Variants in ARID3A observed in about 807,000 individuals in gnomAD.
ARID3A encodes AT-rich interaction domain 3A.
Under a neutral mutation model 52.7 loss-of-function variants are expected in ARID3A, and 11 were observed. The ratio of observed to expected loss-of-function variants is 0.21; its 90% CI spans 0.13 to 0.35. ARID3A has a LOEUF of 0.35. Among genes scored for constraint, ARID3A ranks in the 10% least tolerant of loss-of-function variants. ARID3A has a pLI of 1.00. For missense variants in ARID3A, 721 were observed against 838.5 expected, an observed-to-expected ratio of 0.86 and a Z score of 1.73; for synonymous variants, 404 against 359.4, an observed-to-expected ratio of 1.12 and a Z score of -1.40.
At chr19:962,675 C>A (rs977890265) in intron 4 of ARID3A, among the ~76,000 whole-genome samples, 4 of 151,970 alleles carry the variant, frequency 2.6e-5, no homozygotes, top group Non-Finnish European at 4.4e-5. Context: ...CCACCACGCC[C>A]GGCTAATTTT....
Position 958,660 on chromosome 19 carries a change from G to T in ARID3A, c.694-1432G>T, listed in dbSNP as rs539914142. Among the ~76,000 whole-genome samples, 36 of 152,112 alleles carry T rather than the reference G, an allele frequency of 2.4e-4. 1 individual carries two copies. The East Asian group carries it at 6.8e-3, about 29-fold the overall frequency. ...TGTAATCCCAGCACTTTGGGAGGCC[G>T]AGGCGGGCGGATCACGAGGTCAGGA... On this transcript the variant is annotated intron_variant, in intron 3 of 8. Transcript: ENST00000263620.
chr19:933,277 C>T (rs947688445), intron 3 of ARID3A, among the ~76,000 whole-genome samples: 2 of 152,084 alleles, frequency 1.3e-5, no homozygotes, highest in African/African-American at 2.4e-5. Context: ...TCCGAGTGGG[C>T]GGTTAAGGCT....
At chr19:968,623 C>A in intron 8 of ARID3A, 120 bp downstream of exon 8, 1 of 819,480 alleles carries the variant, frequency 1.2e-6, no homozygotes. Flanking sequence ...GAGCAGGGCA[C>A]GGCCAGGGGC....
chr19:969,910 C>T (rs575683011), intron 8 of ARID3A, among the ~76,000 whole-genome samples: 1 of 151,942 alleles, frequency 6.6e-6, no homozygotes, highest in South Asian at 2.1e-4. Context: ...CCAGGCTGGT[C>T]TTGGACTCTT....
rs972438840 is a variant in ARID3A at position 975,102 on chromosome 19, G to A, written c.*3037G>A. On this transcript the variant is annotated 3_prime_UTR_variant, in exon 9 of 9. Coordinates refer to ENST00000263620, the MANE Select transcript of ARID3A (RefSeq NM_005224.3). ...CGCCTGTCGGTGGGGGTTTAAATTC[G>A]GTGTGGCTTTCTGGGGTGCAGCTCA... The A allele has an allele frequency of 8.2e-5, 19 of 231,406 alleles. No individual in the cohort carries two copies. In the East Asian group the frequency reaches 1.1e-3, roughly 13 times the overall value. 14.3% of individuals were successfully genotyped at this position (231,406 alleles called of 1,614,324 possible). A position where few individuals can be genotyped will look rare whatever the true frequency, so the allele number is the denominator to read the frequency against.
At chr19:932,278 T>C in intron 2 of ARID3A, 140 bp from the exon 3 acceptor site, 2 of 1,473,120 alleles carry the variant, frequency 1.4e-6, no homozygotes, top group Non-Finnish European at 1.8e-6. Context: ...TCATGAGCGC[T>C]CTCTGCAGTC....
At position 942,372 on chromosome 19, in the gene ARID3A, C is replaced by T. The variant is rs1377569426; in HGVS notation, c.693+9630C>T. Among the ~76,000 whole-genome samples, 2 of 152,188 alleles carry T rather than the reference C, an allele frequency of 1.3e-5. No homozygotes were observed. The highest frequency in any genetic ancestry group is 2.9e-5 in the Non-Finnish European group (2 of 68,018). ...ACCCAGGGGCGTCACCCACGAGGGA[C>T]GCTTGACTCAAGGTCCTCTCCACTG... On this transcript the variant is annotated intron_variant, in intron 3 of 8. Transcript: ENST00000263620. This position sits in a 1 kb window ranked among gnomAD's most constrained non-coding sequence, Gnocchi z 8.1.
rs561759691 is a variant in ARID3A, at chr19:970,835, C to T, written c.1595-1043C>T. Among the ~76,000 whole-genome samples, 9 of 152,204 alleles carry T rather than the reference C, an allele frequency of 5.9e-5. No homozygotes were observed. In the South Asian group the frequency reaches 1.7e-3, roughly 28 times the overall value. On this transcript the variant is annotated intron_variant, in intron 8 of 8. Coordinates refer to ENST00000263620, the MANE Select transcript of ARID3A (RefSeq NM_005224.3). ...ATGGTTCATAGTGGCCACCAGGTGG[C>T]GCTGTCGACACAGAGCAGCCTTGTT...
intron 4 of ARID3A, among the ~76,000 whole-genome samples, chr19:962,122 C>T (rs959522858): frequency 2.6e-5 from 4 of 152,166 alleles, no homozygotes; most frequent in Non-Finnish European, 5.9e-5. Context: ...CCTCCAGGAG[C>T]TTCCTGCTCT....
At chr19:927,600 G>T (rs1202142198) in intron 1 of ARID3A, among the ~76,000 whole-genome samples, 1 of 149,994 alleles carries the variant, frequency 6.7e-6, no homozygotes, top group African/African-American at 2.5e-5. Flanking sequence ...CGTGGGGGGG[G>T]CCTTGTCTTG....
intron 3 of ARID3A, among the ~76,000 whole-genome samples, chr19:949,008 C>A (rs571458832): frequency 2.0e-5 from 3 of 152,138 alleles, no homozygotes; most frequent in South Asian, 2.1e-4. Flanking sequence ...TGAGCCACCG[C>A]GCGTGGCCAT....
chr19:944,092 C>T lies in ARID3A; in HGVS notation c.693+11350C>T, dbSNP rs1195545129. On this transcript the variant is annotated intron_variant, in intron 3 of 8. Transcript: ENST00000263620. This position sits in a 1 kb window ranked among gnomAD's most constrained non-coding sequence, Gnocchi z 5.9. ...TGCCAGCCCGACCCTCTCATGGGCA[C>T]CTACAGGGTACCTGCTGTATGCCAG... Among the ~76,000 whole-genome samples, 1 of 151,126 alleles carries T rather than the reference C, an allele frequency of 6.6e-6. No homozygotes were observed. The highest frequency in any genetic ancestry group is 1.5e-5 in the Non-Finnish European group (1 of 67,844).
chr19:929,424 C>A lies in ARID3A; in HGVS notation c.-105C>A. ...CGGCTCCCCCGCGGCCCCCACGCTG[C>A]AGTGCGGCCGGGCCCCCTCCCCGCA... On this transcript the variant is annotated 5_prime_UTR_variant, in exon 2 of 9. Coordinates refer to ENST00000263620, the MANE Select transcript of ARID3A (RefSeq NM_005224.3). This position sits in a 1 kb window ranked among gnomAD's most constrained non-coding sequence, Gnocchi z 6.2. 1 of 1,198,926 alleles carries A rather than the reference C, an allele frequency of 8.3e-7. No homozygotes were observed. Among genetic ancestry groups the A allele is most frequent in the Non-Finnish European group, 1.1e-6 (1 of 943,932 alleles). The allele number at this position is 1,198,926 out of a possible 1,614,324, so 74.3% of individuals were successfully genotyped here. A position where few individuals can be genotyped will look rare whatever the true frequency, so the allele number is the denominator to read the frequency against.
rs1599399100 is a variant in ARID3A, at chr19:944,710, C to T, written c.693+11968C>T. Among the ~76,000 whole-genome samples the T allele has an allele frequency of 1.3e-5, 2 of 152,144 alleles. No individual in the cohort carries two copies. The highest frequency in any genetic ancestry group is 2.9e-5 in the Non-Finnish European group (2 of 68,024). Reference sequence around the variant, plus strand: ...GTGCAGTCATAGCTCACTGCAGCCTCGACCTCCCGGGCTCCGGTGATCTTC... The same window carrying T: ...GTGCAGTCATAGCTCACTGCAGCCTTGACCTCCCGGGCTCCGGTGATCTTC... On this transcript the variant is annotated intron_variant, in intron 3 of 8. Transcript: ENST00000263620. The surrounding 1 kb of genome is among the most constrained non-coding windows in gnomAD (Gnocchi z 5.9).
At position 974,360 on chromosome 19, in the gene ARID3A, C is replaced by A. The variant is rs781745147; in HGVS notation, c.*2295C>A. ...GCCAGCACCGTAGCAGCACAATCAC[C>A]CCGGGAAGGGGGTGTCTGTTTGCCT... On this transcript the variant is annotated 3_prime_UTR_variant, in exon 9 of 9. Transcript: ENST00000263620. 2.6e-5 allele frequency: 6 copies of A among 229,254 alleles called. No individual in the cohort carries two copies. The highest frequency in any genetic ancestry group is 6.7e-5 in the African/African-American group (3 of 45,054). The allele number at this position is 229,254 out of a possible 1,614,324, so 14.2% of individuals were successfully genotyped here. A position where few individuals can be genotyped will look rare whatever the true frequency, so the allele number is the denominator to read the frequency against.
chr19:929,636 C>A lies in ARID3A; in HGVS notation c.108C>A (p.Pro36=). 6.5e-7 allele frequency: 1 copy of A among 1,528,590 alleles called. No homozygotes were observed. The highest frequency in any genetic ancestry group is 8.7e-7 in the Non-Finnish European group (1 of 1,144,136). The allele number at this position is 1,528,590 out of a possible 1,614,324, so 94.7% of individuals were successfully genotyped here. ...CCCCCGATCCCCCTGCTGCACCCCC[C>A]GGCCGGGCCCGGGCTGCCCCCGACG... The part of the protein sequence containing the change: ...QLPPDPPAAP[P]GRARAAPDED... The change falls in exon 2 of 9, where the codon CCC becomes CCA. Residue 36 remains proline, a synonymous_variant. Transcript: ENST00000263620. The surrounding 1 kb of genome is among the most constrained non-coding windows in gnomAD (Gnocchi z 6.2).
Position 972,376 on chromosome 19 carries a change from G to C in ARID3A, c.*311G>C, listed in dbSNP as rs965463656. The C allele has an allele frequency of 4.6e-6, 1 of 217,140 alleles. No individual in the cohort carries two copies. The highest frequency in any genetic ancestry group is 6.7e-5 in the East Asian group (1 of 14,914). The allele number at this position is 217,140 out of a possible 1,614,324, so 13.5% of individuals were successfully genotyped here. ...AAGAAATCCATCAGAAAAACAGAAAGAGGCAGACGTTTCCCAGGGCGTTCA... is the reference window on the plus strand; with the variant it reads ...AAGAAATCCATCAGAAAAACAGAAACAGGCAGACGTTTCCCAGGGCGTTCA... On this transcript the variant is annotated 3_prime_UTR_variant, in exon 9 of 9. Coordinates refer to ENST00000263620, the MANE Select transcript of ARID3A (RefSeq NM_005224.3).
intron 3 of ARID3A, among the ~76,000 whole-genome samples, chr19:933,808 G>C (rs942682062): frequency 6.6e-6 from 1 of 151,222 alleles, no homozygotes; most frequent in South Asian, 2.1e-4. Flanking sequence ...AGCCGGACAC[G>C]GTGTGGGAGA....
chr19:974,340 C>T lies in ARID3A; in HGVS notation c.*2275C>T. On this transcript the variant is annotated 3_prime_UTR_variant, in exon 9 of 9. Coordinates refer to ENST00000263620, the MANE Select transcript of ARID3A (RefSeq NM_005224.3). Reference sequence around the variant, plus strand: ...TTTCCTTGTCCCTTCCTGGGGCCAGCACCGTAGCAGCACAATCACCCCGGG... The same window carrying T: ...TTTCCTTGTCCCTTCCTGGGGCCAGTACCGTAGCAGCACAATCACCCCGGG... 4.4e-6 allele frequency: 1 copy of T among 228,660 alleles called. No individual in the cohort carries two copies. Among genetic ancestry groups the T allele is most frequent in the Non-Finnish European group, 8.7e-6 (1 of 115,198 alleles). 14.2% of individuals were successfully genotyped at this position (228,660 alleles called of 1,614,324 possible).
Sources: gnomAD v4.1 joint callset for allele counts (sites outside exome capture counted in the v4.1 genomes callset) on GRCh38, gnomAD v4.1.1 for gene constraint, Gnocchi (gnomAD v3.1) non-coding constraint, MANE v1.5 for transcripts, NCBI Gene and HGNC (gene_info 2026-07-23, HGNC 2026-07-21) for gene names.